Variants in MICAL2 observed in about 807,000 individuals in gnomAD.
MICAL2 encodes the protein [F-actin]-monooxygenase MICAL2.
Under a neutral mutation model 127.3 loss-of-function variants are expected in MICAL2, and 77 were observed. The observed-to-expected ratio is 0.60, with a 90% confidence interval of 0.50 to 0.73. The LOEUF (loss-of-function observed/expected upper bound fraction) is 0.73. Among genes scored for constraint, MICAL2 ranks in the 30% least tolerant of loss-of-function variants. The pLI is 0.00. For synonymous variants in MICAL2, 570 were observed against 551.1 expected, an observed-to-expected ratio of 1.03 and a Z score of -0.48; for missense variants, 1,351 against 1,434.4, an observed-to-expected ratio of 0.94 and a Z score of 0.94.
At position 12,283,461 on chromosome 11, in the gene MICAL2, A is replaced by G. The variant is rs1863793069; in HGVS notation, c.254+2362A>G. On this transcript the variant is annotated intron_variant, in intron 2 of 2. Transcript: ENST00000529028. ...TTCAACAGACAAATGGATAAACAAAACGCAGTATATCCATACAGCAAAATG... is the reference window on the plus strand; with the variant it reads ...TTCAACAGACAAATGGATAAACAAAGCGCAGTATATCCATACAGCAAAATG... 3.3e-5 allele frequency among the ~76,000 whole-genome samples: 5 copies of G among 152,254 alleles called. No individual in the cohort carries two copies. The South Asian group carries it at 1.0e-3, about 31-fold the overall frequency.
At chr11:12,262,145 G>A in intron 26 of MICAL2, 1 of 1,189,640 alleles carries the variant, frequency 8.4e-7, no homozygotes, top group Non-Finnish European at 1.1e-6. Flanking sequence ...CGACACCCAG[G>A]GGTGGACCCC....
At chr11:12,240,938 C>T in intron 17 of MICAL2, 102 bp from the exon 18 acceptor site, 2 of 1,462,470 alleles carry the variant, frequency 1.4e-6, no homozygotes, top group African/African-American at 1.4e-5. Flanking sequence ...ACCTTCGTCT[C>T]CCTGCTCCTC....
intron 17 of MICAL2, among the ~76,000 whole-genome samples, 166 bp downstream of exon 17, chr11:12,239,751 G>A (rs1859603214): frequency 6.6e-6 from 1 of 152,212 alleles, no homozygotes. Context: ...AGGCCAGATA[G>A]CAGTTTTTTA....
rs561513622 is a variant in MICAL2 at position 12,306,872 on chromosome 11, A to G, written c.5212+12015A>G. ...TTTATCCATTTACCAGTTGATAGAC[A>G]TGAGATGGGGTTTAGTTTTTGAATG... On this transcript the variant is annotated intron_variant, in intron 29 of 34. Transcript: ENST00000646065. Among the ~76,000 whole-genome samples, 5 of 152,346 alleles carry G rather than the reference A, an allele frequency of 3.3e-5. No homozygotes were observed. The East Asian group carries it at 9.6e-4, about 29-fold the overall frequency.
intron 21 of MICAL2, among the ~76,000 whole-genome samples, chr11:12,248,141 G>A (rs1229804251): frequency 6.6e-6 from 1 of 152,108 alleles, no homozygotes. Flanking sequence ...AGGGAGCCAG[G>A]GCTCTGCCTT....
At chr11:12,177,350 TTTG>T (rs1856949708) in intron 3 of MICAL2, among the ~76,000 whole-genome samples, 1 of 152,198 alleles carries the variant, frequency 6.6e-6, no homozygotes, top group South Asian at 2.1e-4. Flanking sequence ...GGTTTTTTGT[TTTG>T]TTTTTATTGA....
At chr11:12,192,640 C>T (rs569566477) in intron 3 of MICAL2, among the ~76,000 whole-genome samples, 11 of 152,046 alleles carry the variant, frequency 7.2e-5, no homozygotes, top group South Asian at 4.2e-4. Flanking sequence ...TACCCAGGTG[C>T]GATGATGGGT....
At chr11:12,255,804 G>T in intron 23 of MICAL2, 54 bp downstream of exon 23, 1 of 1,456,514 alleles carries the variant, frequency 6.9e-7, no homozygotes, top group East Asian at 2.4e-5. Context: ...TGGCATCCCA[G>T]GGCGGGCACA....
chr11:12,236,202 A>C lies in MICAL2; in HGVS notation c.2021A>C (p.Asp674Ala). The change falls in exon 16 of 28, where the codon GAC (aspartate) becomes GCC (alanine). Residue 674 changes from aspartate (D) to alanine (A), a missense_variant. Asp to Ala is a moderately radical substitution (Grantham distance 126). This residue lies in a region of MICAL2 where 752 missense variants were observed against 719.4 expected (regional missense o/e 1.05). Transcript: ENST00000683283. The stretch of plus-strand genomic sequence containing the variant: ...GTGGATGGTCAAACCGGAGAGAATG[A>C]CATGAACAAACGGAGACGGAAGGGC... The part of the protein sequence containing the change: ...PRVDGQTGEN[D>A]MNKRRRKGFT... 1.2e-6 allele frequency: 2 copies of C among 1,614,200 alleles called. No individual in the cohort carries two copies. Among genetic ancestry groups the C allele is most frequent in the Non-Finnish European group, 1.7e-6 (2 of 1,180,036 alleles).
intron 19 of MICAL2, 83 bp from the exon 20 acceptor site, chr11:12,242,588 C>T: frequency 1.4e-6 from 2 of 1,465,454 alleles, no homozygotes; most frequent in African/African-American, 1.4e-5. Flanking sequence ...CCGGCTGCCT[C>T]CCTCACCCAC....
downstream of MICAL2, among the ~76,000 whole-genome samples, chr11:12,268,008 A>G (rs1404507495): frequency 6.6e-6 from 1 of 152,238 alleles, no homozygotes; most frequent in East Asian, 1.9e-4. Context: ...CAATGCTTGT[A>G]TAACCCCGAC....
chr11:12,124,815 G>A (rs1376079989), intron 1 of MICAL2, among the ~76,000 whole-genome samples: 4 of 152,142 alleles, frequency 2.6e-5, no homozygotes, highest in Non-Finnish European at 5.9e-5. Flanking sequence ...CAGCTCTTCT[G>A]ATCTCCCAGC....
rs145983839 is a variant in MICAL2, at chr11:12,179,736, C to T, written c.264+17317C>T. ...TTCTGCGTCCTGCTCTCGAGGGCTG[C>T]CTGGCACTGTTAGAGAGAGCTGCAG... is the stretch of plus-strand genomic sequence containing the variant. On this transcript the variant is annotated intron_variant, in intron 3 of 27. Transcript: ENST00000683283. Among the ~76,000 whole-genome samples the T allele has an allele frequency of 2.1e-3, 315 of 150,750 alleles. 1 individual carries two copies. The highest frequency in any genetic ancestry group is 7.4e-3 in the African/African-American group (300 of 40,404).
intron 1 of MICAL2, among the ~76,000 whole-genome samples, chr11:12,130,741 G>A (rs1471801024): frequency 2.0e-5 from 3 of 152,154 alleles, no homozygotes; most frequent in Non-Finnish European, 4.4e-5. Flanking sequence ...TGAGGGTGGT[G>A]CTTCTTAAGT....
intron 4 of MICAL2, among the ~76,000 whole-genome samples, chr11:12,207,207 C>G (rs765280113): frequency 3.9e-5 from 6 of 152,156 alleles, no homozygotes; most frequent in African/African-American, 1.4e-4. Context: ...ACCACCATCA[C>G]CCTCCCCCAA....
At chr11:12,276,105 G>A in exon 1 of MICAL2, 1 of 399,306 alleles carries the variant, frequency 2.5e-6, no homozygotes, top group Non-Finnish European at 4.4e-6. Flanking sequence ...CAGCCCTGGG[G>A]AGGAAGCAGC....
intron 30 of MICAL2, among the ~76,000 whole-genome samples, chr11:12,322,646 T>C (rs1191593425): frequency 6.6e-6 from 1 of 152,188 alleles, no homozygotes; most frequent in Non-Finnish European, 1.5e-5. Flanking sequence ...AGTTGATGTG[T>C]ATGCTCAGAG....
chr11:12,265,182 T>C (rs1590713491), downstream of MICAL2, among the ~76,000 whole-genome samples: 1 of 152,342 alleles, frequency 6.6e-6, no homozygotes, highest in Middle Eastern at 3.4e-3. Context: ...CAAGATTCAT[T>C]AGCATGTCAA....
At chr11:12,128,248 A>G (rs1367163888) in intron 1 of MICAL2, among the ~76,000 whole-genome samples, 1 of 152,262 alleles carries the variant, frequency 6.6e-6, no homozygotes, top group Non-Finnish European at 1.5e-5. Context: ...TACCTTGAAG[A>G]AAATGATTTT....
Sources: allele counts gnomAD v4.1 joint callset (sites outside exome capture counted in the v4.1 genomes callset), GRCh38; gene constraint gnomAD v4.1.1; regional missense constraint gnomAD v4.1.1; transcripts MANE v1.5; gene names NCBI Gene and HGNC (gene_info 2026-07-23, HGNC 2026-07-21).